The following FER variants were observed in gnomAD, a reference collection of about 807,000 sequenced individuals.
The protein encoded by FER is FER tyrosine kinase, also known as tyrosine-protein kinase Fer.
In FER, 63 loss-of-function variants were observed where a neutral mutation model predicts 111.0. That is an observed-to-expected ratio of 0.57 (90% CI 0.46 to 0.70). FER has a LOEUF of 0.70. FER is among the 30% of genes least tolerant of loss of function. The pLI, the probability that FER is intolerant of heterozygous loss-of-function variation, is 0.00. For missense variants in FER, 914 were observed against 954.0 expected (o/e 0.96, Z 0.55); for synonymous variants, 327 against 313.9 (o/e 1.04, Z -0.44).
At chr5:109,153,396 T>G (rs17473391) in intron 17 of FER, among the ~76,000 whole-genome samples, 30,218 of 151,758 alleles carry the variant, frequency 0.2, 3,196 homozygotes, top group Non-Finnish European at 0.23. Context: ...ATTGCTTGAT[T>G]TTTTATTTTA....
chr5:109,046,698 A>G (rs1207694375), intron 15 of FER, among the ~76,000 whole-genome samples: 1 of 152,160 alleles, frequency 6.6e-6, no homozygotes, highest in African/African-American at 2.4e-5. Flanking sequence ...TCTGTACAGA[A>G]CATGTACAGA....
chr5:109,112,657 C>G (rs1749766770), intron 17 of FER, among the ~76,000 whole-genome samples: 2 of 152,118 alleles, frequency 1.3e-5, no homozygotes, highest in African/African-American at 4.8e-5. Context: ...AAAGTTTTAG[C>G]TGGTGTGTTT....
In FER at chr5:109,100,451, G is replaced by C. The variant is rs1748087501; in HGVS notation, c.1980G>C (p.Gln660His). ...RRKKDELKLK[Q>H]LVKFSLDAAA... is the part of the protein sequence containing the mutation. ...AGAAGGATGAACTAAAACTCAAACAGTTAGTGAAATTTTCATTAGACGCTG... is the reference window on the plus strand; with the variant it reads ...AGAAGGATGAACTAAAACTCAAACACTTAGTGAAATTTTCATTAGACGCTG... The change falls in exon 17 of 20, where the codon CAG (glutamine) becomes CAC (histidine). Residue 660 changes from glutamine (Q) to histidine (H), a missense_variant. Physicochemically the swap from Gln to His is conservative, Grantham distance 24. Transcript: ENST00000281092. The C allele has an allele frequency of 6.2e-7, 1 of 1,611,470 alleles. No individual in the cohort carries two copies. The highest frequency in any genetic ancestry group is 1.1e-5 in the South Asian group (1 of 90,994).
chr5:108,917,253 A>C (rs941831427), intron 10 of FER, among the ~76,000 whole-genome samples: 3 of 152,128 alleles, frequency 2.0e-5, no homozygotes, highest in Non-Finnish European at 4.4e-5. Flanking sequence ...GTGGTTGCTC[A>C]TTATAATTTT....
At chr5:109,067,418 T>C (rs1775240288) in intron 16 of FER, among the ~76,000 whole-genome samples, 1 of 152,160 alleles carries the variant, frequency 6.6e-6, no homozygotes, top group Admixed American at 6.5e-5. Context: ...TTATTTTTGT[T>C]TGTTTAGTTC....
chr5:109,120,876 C>A (rs1750877778), intron 17 of FER, among the ~76,000 whole-genome samples: 1 of 151,930 alleles, frequency 6.6e-6, no homozygotes, highest in South Asian at 2.1e-4. Flanking sequence ...AAACTACTTT[C>A]TTGATTTCTT....
rs564525597 is a variant in FER, at chr5:109,102,549, A to G, written c.2048+2030A>G. ...AAATTTGTCATCCTTGGCATAGAAT[A>G]TCTTCTTTTTGTTTTTATTCTCATA... On this transcript the variant is annotated intron_variant, in intron 17 of 19. Coordinates refer to ENST00000281092, the MANE Select transcript of FER (RefSeq NM_005246.4). Among the ~76,000 whole-genome samples the G allele has an allele frequency of 3.3e-5, 5 of 152,282 alleles. No individual in the cohort carries two copies. In the South Asian group the frequency reaches 6.2e-4, roughly 19 times the overall value.
chr5:109,136,921 A>G (rs534585560), intron 17 of FER, among the ~76,000 whole-genome samples: 22 of 152,302 alleles, frequency 1.4e-4, no homozygotes, highest in Admixed American at 1.3e-3. Context: ...AGTATTTTTT[A>G]TTGGTGTAAA....
At chr5:108,822,183 CT>C (rs775554303) in intron 3 of FER, among the ~76,000 whole-genome samples, 1 of 152,086 alleles carries the variant, frequency 6.6e-6, no homozygotes, top group African/African-American at 2.4e-5. Context: ...GGATTTCCTT[CT>C]TTTTTATGAT....
At chr5:109,013,219 TCCCTCCC>T (rs1388718450) in intron 13 of FER, among the ~76,000 whole-genome samples, 1 of 114,482 alleles carries the variant, frequency 8.7e-6, no homozygotes, top group Non-Finnish European at 1.8e-5. Context: ...CCTAATGCTA[TCCCTCCC>T]CCCTCCCCCC....
Position 108,761,921 on chromosome 5 carries a change from A to T in FER, c.-205-6172A>T, listed in dbSNP as rs190039822. ...TTCTAGTATAATTATTATTATTATT[A>T]TTTTTTTAAGATGGAGTCTCACTTT... On this transcript the variant is annotated intron_variant, in intron 1 of 19. Transcript: ENST00000281092. Among the ~76,000 whole-genome samples, 820 of 151,726 alleles carry T rather than the reference A, an allele frequency of 5.4e-3. 5 individuals carry two copies. Among genetic ancestry groups the T allele is most frequent in the Admixed American group, 9.9e-3 (151 of 15,206 alleles).
chr5:109,066,027 A>T (rs2149979955), intron 16 of FER, among the ~76,000 whole-genome samples: 1 of 152,342 alleles, frequency 6.6e-6, no homozygotes, highest in East Asian at 1.9e-4. Context: ...GTGATTAAAG[A>T]GGTGACTTTC....
chr5:108,994,448 A>C (rs141103149), intron 13 of FER, among the ~76,000 whole-genome samples: 1,763 of 152,184 alleles, frequency 0.012, 24 homozygotes, highest in Non-Finnish European at 0.016. Flanking sequence ...CTGAGATCTC[A>C]ATTCTGTTCC....
intron 13 of FER, among the ~76,000 whole-genome samples, chr5:109,033,868 T>C (rs1769989717): frequency 6.6e-6 from 1 of 152,160 alleles, no homozygotes; most frequent in African/African-American, 2.4e-5. Context: ...CAAATAATAA[T>C]TGTATATATT....
intron 13 of FER, among the ~76,000 whole-genome samples, chr5:108,963,717 A>G (rs960155148): frequency 6.6e-6 from 1 of 152,204 alleles, no homozygotes; most frequent in African/African-American, 2.4e-5. Flanking sequence ...TAGATTTGTG[A>G]GAGGAGAGTA....
At chr5:108,924,310 A>G (rs1753432856) in intron 10 of FER, among the ~76,000 whole-genome samples, 2 of 150,442 alleles carry the variant, frequency 1.3e-5, no homozygotes, top group African/African-American at 2.5e-5. Context: ...CAGAGAGTCA[A>G]GAGCATGCCA....
Position 109,181,858 on chromosome 5 carries a change from T to C in FER, c.2203+957T>C, listed in dbSNP as rs1007558960. On this transcript the variant is annotated intron_variant, in intron 18 of 19. Transcript: ENST00000281092. Reference sequence around the variant, plus strand: ...CAGTACCTCTAGTTTCAAAACATTTTCATCACTCCAAAATAAAACCCTGTC... The same window carrying C: ...CAGTACCTCTAGTTTCAAAACATTTCCATCACTCCAAAATAAAACCCTGTC... Among the ~76,000 whole-genome samples the C allele has an allele frequency of 4.6e-5, 7 of 152,236 alleles. No individual in the cohort carries two copies. The East Asian group carries it at 1.3e-3, about 29-fold the overall frequency.
At chr5:108,979,831 A>G (rs1761822022) in intron 13 of FER, among the ~76,000 whole-genome samples, 1 of 152,152 alleles carries the variant, frequency 6.6e-6, no homozygotes, top group Non-Finnish European at 1.5e-5. Flanking sequence ...TACAAGTTGA[A>G]TAATTACCCT....
chr5:109,025,703 T>C (rs1000906902), intron 13 of FER, among the ~76,000 whole-genome samples: 1 of 151,838 alleles, frequency 6.6e-6, no homozygotes, highest in Non-Finnish European at 1.5e-5. Context: ...TGTGCCAGTT[T>C]TCAAAGGGAA....
Sources: allele counts gnomAD v4.1 joint callset (sites outside exome capture counted in the v4.1 genomes callset), GRCh38; gene constraint gnomAD v4.1.1; transcripts MANE v1.5; gene names NCBI Gene and HGNC (gene_info 2026-07-23, HGNC 2026-07-21).